Variants in AFAP1 observed in about 807,000 individuals in gnomAD.
The protein encoded by AFAP1 is actin filament-associated protein 1.
AFAP1 carries 75 observed loss-of-function variants against 93.9 expected under a neutral mutation model. The observed-to-expected ratio is 0.80, with a 90% confidence interval of 0.66 to 0.97. The LOEUF (loss-of-function observed/expected upper bound fraction) is 0.97, where lower values mean the gene tolerates loss of function less well. Ranked by LOEUF, AFAP1 falls within the 50% of genes least tolerant of loss-of-function variation. AFAP1 has a pLI of 0.00. For missense variants in AFAP1, 1,201 were observed against 1,050.8 expected, an observed-to-expected ratio of 1.14 and a Z score of -1.98; for synonymous variants, 517 against 430.7, an observed-to-expected ratio of 1.20 and a Z score of -2.48.
intron 3 of AFAP1, among the ~76,000 whole-genome samples, chr4:7,856,676 T>A (rs1202090754): frequency 6.6e-6 from 1 of 152,174 alleles, no homozygotes. Context: ...AGGACTGTGC[T>A]CAAGTCCCCT....
chr4:7,864,951 C>T (rs943611024), intron 3 of AFAP1, among the ~76,000 whole-genome samples: 14 of 151,982 alleles, frequency 9.2e-5, no homozygotes, highest in South Asian at 2.1e-4. Flanking sequence ...GCACTCCAGC[C>T]TGGGCAACAA....
chr4:7,816,253 C>T (rs1029655984), intron 7 of AFAP1, among the ~76,000 whole-genome samples, 154 bp from the exon 8 acceptor site: 1 of 152,066 alleles, frequency 6.6e-6, no homozygotes, highest in African/African-American at 2.4e-5. Context: ...ATAACAAAGA[C>T]TGGCTGGTTA....
At chr4:7,840,352 T>G (rs1712868450) in intron 5 of AFAP1, among the ~76,000 whole-genome samples, 1 of 151,288 alleles carries the variant, frequency 6.6e-6, no homozygotes, top group Non-Finnish European at 1.5e-5. Flanking sequence ...CTCTCTCCGG[T>G]GCCCAGGCTG....
rs1714120383 is a variant in AFAP1, at chr4:7,763,654, CTG to C, written c.*109_*110del. 5 of 1,335,738 alleles carry C rather than the reference CTG, an allele frequency of 3.7e-6. No individual in the cohort carries two copies. Among genetic ancestry groups the C allele is most frequent in the East Asian group, 5.0e-5 (2 of 39,706 alleles). The allele number at this position is 1,335,738 out of a possible 1,614,324, so 82.7% of individuals were successfully genotyped here. On this transcript the variant is annotated 3_prime_UTR_variant, in exon 18 of 18. Transcript: ENST00000420658. ...GCCTCAGAGCTCAGTCGTGGAGCCTCTGGAGTCGTGCAGCTGAGGCCACTCTG... is the reference window on the plus strand; with the variant it reads ...GCCTCAGAGCTCAGTCGTGGAGCCTCGAGTCGTGCAGCTGAGGCCACTCTG...
chr4:7,782,457 T>C (rs1343186390), intron 12 of AFAP1, among the ~76,000 whole-genome samples: 3 of 152,236 alleles, frequency 2.0e-5, no homozygotes, highest in African/African-American at 7.2e-5. Context: ...CAAATCCTCA[T>C]AGAAAATTAG....
chr4:7,937,175 A>T (rs1721434956), intron 1 of AFAP1, among the ~76,000 whole-genome samples: 1 of 152,240 alleles, frequency 6.6e-6, no homozygotes, highest in Non-Finnish European at 1.5e-5. Flanking sequence ...TTAAGGTTTC[A>T]TCATAGATAC....
At chr4:7,898,515 T>A (rs1340945183) in intron 1 of AFAP1, among the ~76,000 whole-genome samples, 1 of 151,842 alleles carries the variant, frequency 6.6e-6, no homozygotes, top group Non-Finnish European at 1.5e-5. Context: ...AAAAATTATA[T>A]CCACAGAAAG....
At chr4:7,804,238 G>C (rs1462001397) in intron 9 of AFAP1, among the ~76,000 whole-genome samples, 1 of 152,210 alleles carries the variant, frequency 6.6e-6, no homozygotes, top group African/African-American at 2.4e-5. Context: ...GGCCAACTTG[G>C]CTCCTGGATC....
intron 10 of AFAP1, among the ~76,000 whole-genome samples, chr4:7,794,140 G>A (rs865807851): frequency 2.0e-5 from 3 of 152,314 alleles, no homozygotes; most frequent in Middle Eastern, 3.4e-3. Flanking sequence ...CCCGGCTGAA[G>A]GAAGTTGCTG....
At chr4:7,884,406 TAAG>T (rs1322942099) in intron 1 of AFAP1, among the ~76,000 whole-genome samples, 1 of 152,116 alleles carries the variant, frequency 6.6e-6, no homozygotes, top group Non-Finnish European at 1.5e-5. Flanking sequence ...ATGGAAAAAA[TAAG>T]AATGCAGAGA....
At chr4:7,777,620 C>A (rs145830044) in intron 14 of AFAP1, 1 of 152,226 alleles carries the variant, frequency 6.6e-6, no homozygotes, top group African/African-American at 2.4e-5. Context: ...TCTTCGTTAG[C>A]ACTGAGACTG....
Position 7,799,662 on chromosome 4 carries a change from T to C in AFAP1, c.1266+780A>G, listed in dbSNP as rs148702541. Among the ~76,000 whole-genome samples, 251 of 152,050 alleles carry C rather than the reference T, an allele frequency of 1.7e-3. 1 individual carries two copies. The highest frequency in any genetic ancestry group is 5.7e-3 in the African/African-American group (237 of 41,462). On this transcript the variant is annotated intron_variant, in intron 10 of 17. Transcript: ENST00000420658. Reference sequence around the variant, plus strand: ...GTGTATGTTTGCATCTTGGTCATAATAACACTAAGTGGGGGAAAAGACTCA... The same window carrying C: ...GTGTATGTTTGCATCTTGGTCATAACAACACTAAGTGGGGGAAAAGACTCA...
At chr4:7,850,317 GAAGT>G (rs1463776026) in intron 4 of AFAP1, among the ~76,000 whole-genome samples, 28 of 152,176 alleles carry the variant, frequency 1.8e-4, no homozygotes, top group Admixed American at 1.6e-3. Context: ...GGGGCCTGAG[GAAGT>G]GAGTGCTCAT....
chr4:7,761,731 A>G lies in AFAP1; in HGVS notation c.*2034T>C, dbSNP rs563632402. 1 of 152,372 alleles carries G rather than the reference A, an allele frequency of 6.6e-6. No homozygotes were observed. Among genetic ancestry groups the G allele is most frequent in the South Asian group, 2.1e-4 (1 of 4,826 alleles). The allele number at this position is 152,372 out of a possible 1,614,324, so 9.4% of individuals were successfully genotyped here. ...AGGCAGCAAAAATCTATGGAGGAGC[A>G]AACTTTTTTCCCTTTATAGAAAATT... On this transcript the variant is annotated 3_prime_UTR_variant, in exon 18 of 18. Transcript: ENST00000420658.
intron 6 of AFAP1, among the ~76,000 whole-genome samples, chr4:7,828,135 C>T (rs115047505): frequency 1.2e-4 from 19 of 152,218 alleles, no homozygotes; most frequent in African/African-American, 4.3e-4. Flanking sequence ...TGTGGTTCTT[C>T]CTTGAGAACT....
chr4:7,901,252 A>G (rs1288939761), intron 1 of AFAP1, among the ~76,000 whole-genome samples: 1 of 152,222 alleles, frequency 6.6e-6, no homozygotes, highest in Non-Finnish European at 1.5e-5. Context: ...TCATTTAATG[A>G]AGCCAAGGGT....
At chr4:7,884,386 T>C (rs528686457) in intron 1 of AFAP1, among the ~76,000 whole-genome samples, 1 of 152,346 alleles carries the variant, frequency 6.6e-6, no homozygotes, top group South Asian at 2.1e-4. Context: ...AAATTGATTC[T>C]AAATTTCATA....
At chr4:7,938,361 G>C (rs1439740598) in intron 1 of AFAP1, among the ~76,000 whole-genome samples, 1 of 152,150 alleles carries the variant, frequency 6.6e-6, no homozygotes, top group Non-Finnish European at 1.5e-5. Flanking sequence ...GTTTGTCTCC[G>C]GGATCTTTAA....
intron 4 of AFAP1, among the ~76,000 whole-genome samples, chr4:7,854,452 C>T (rs895515385): frequency 3.9e-5 from 6 of 152,158 alleles, no homozygotes; most frequent in South Asian, 4.1e-4. Flanking sequence ...AGCATGCCAA[C>T]GGGGGAATCT....
Sources: allele counts gnomAD v4.1 joint callset (sites outside exome capture counted in the v4.1 genomes callset), GRCh38; gene constraint gnomAD v4.1.1; transcripts MANE v1.5; gene names NCBI Gene and HGNC (gene_info 2026-07-23, HGNC 2026-07-21).